CACNB2: variants seen among roughly 807,000 people sequenced by gnomAD.
CACNB2 encodes the protein voltage-dependent L-type calcium channel subunit beta-2.
CACNB2 carries 42 observed loss-of-function variants against 73.3 expected under a neutral mutation model. The observed-to-expected ratio is 0.57, with a 90% confidence interval of 0.45 to 0.74. CACNB2 has a LOEUF of 0.74. Ranked by LOEUF, CACNB2 falls within the 30% of genes least tolerant of loss-of-function variation. CACNB2 has a pLI of 0.00. For missense variants in CACNB2, 940 were observed against 853.0 expected (o/e 1.10, Z -1.27); for synonymous variants, 348 against 310.3 (o/e 1.12, Z -1.28).
At chr10:18,171,705 G>A (rs1360578299) in intron 2 of CACNB2, among the ~76,000 whole-genome samples, 1 of 151,788 alleles carries the variant, frequency 6.6e-6, no homozygotes, top group Non-Finnish European at 1.5e-5. Flanking sequence ...TGATGAACCA[G>A]TTGGGATCAA....
chr10:18,223,256 T>C (rs905741172), intron 2 of CACNB2, among the ~76,000 whole-genome samples: 1 of 152,208 alleles, frequency 6.6e-6, no homozygotes, highest in African/African-American at 2.4e-5. Flanking sequence ...TCCAACACCT[T>C]CTATATATGT....
At position 18,402,052 on chromosome 10, in the gene CACNB2, G is replaced by A. The variant is rs752760931; in HGVS notation, c.333+9G>A. 2 of 1,613,080 alleles carry A rather than the reference G, an allele frequency of 1.2e-6. No individual in the cohort carries two copies. Among genetic ancestry groups the A allele is most frequent in the South Asian group, 1.1e-5 (1 of 91,066 alleles). On this transcript the variant is annotated intron_variant, in intron 3 of 13. Coordinates refer to ENST00000324631, the MANE Select transcript of CACNB2 (RefSeq NM_201596.3). ...AGTTGGAAAAAGCAAAGGTAAAATC[G>A]TTTCCTCCCTGCCAAGATCTTTGCA...
intron 2 of CACNB2, among the ~76,000 whole-genome samples, chr10:18,337,944 C>G (rs910228775): frequency 2.0e-5 from 3 of 152,098 alleles, no homozygotes; most frequent in African/African-American, 7.2e-5. Flanking sequence ...GATTAAAGAC[C>G]TGAAACCATA....
At chr10:18,270,322 A>G (rs971095887) in intron 2 of CACNB2, among the ~76,000 whole-genome samples, 2 of 152,072 alleles carry the variant, frequency 1.3e-5, no homozygotes, top group African/African-American at 4.8e-5. Flanking sequence ...ACAAGGGGGG[A>G]TTATGGGGAT....
chr10:18,430,425 C>A (rs1020578000), intron 3 of CACNB2, among the ~76,000 whole-genome samples: 1 of 151,906 alleles, frequency 6.6e-6, no homozygotes, highest in Admixed American at 6.6e-5. Context: ...CTAAAGTTAT[C>A]TCCCACCTGC....
chr10:18,318,013 T>C (rs1589028550), intron 2 of CACNB2, among the ~76,000 whole-genome samples: 1 of 152,286 alleles, frequency 6.6e-6, no homozygotes, highest in East Asian at 1.9e-4. Flanking sequence ...TGCTCATGGA[T>C]AGGAAGATTC....
rs2043353783 is a variant in CACNB2, at chr10:18,389,083, T to G, written c.214-12841T>G. Among the ~76,000 whole-genome samples, 4 of 152,346 alleles carry G rather than the reference T, an allele frequency of 2.6e-5. No homozygotes were observed. In the South Asian group the frequency reaches 6.2e-4, roughly 24 times the overall value. On this transcript the variant is annotated intron_variant, in intron 2 of 13. Coordinates refer to ENST00000324631, the MANE Select transcript of CACNB2 (RefSeq NM_201596.3). ...ATAGGAACATTACAGGAAAAGAATT[T>G]AACTGAACTCCCAACATTTTTTGAG...
intron 2 of CACNB2, among the ~76,000 whole-genome samples, chr10:18,161,381 A>G (rs907585866): frequency 3.9e-5 from 6 of 152,038 alleles, no homozygotes; most frequent in African/African-American, 9.7e-5. Flanking sequence ...GATTGTTTAG[A>G]CTTCTGTCAA....
rs1416422793 is a variant in CACNB2, at chr10:18,151,321, C to T, written c.213+346C>T. On this transcript the variant is annotated intron_variant, in intron 2 of 13. Coordinates refer to ENST00000324631, the MANE Select transcript of CACNB2 (RefSeq NM_201596.3). ...CAGAGAGCTGATGTGCATCTGTATC[C>T]CTACCTGTGAGATACTGGGGTTCTT... 3 of 212,532 alleles carry T rather than the reference C, an allele frequency of 1.4e-5. No individual in the cohort carries two copies. The Admixed American group carries it at 1.6e-4, about 12-fold the overall frequency. The allele number at this position is 212,532 out of a possible 1,614,324, so 13.2% of individuals were successfully genotyped here.
chr10:18,521,919 T>C (rs2051929409), intron 9 of CACNB2, among the ~76,000 whole-genome samples: 1 of 152,214 alleles, frequency 6.6e-6, no homozygotes, highest in Non-Finnish European at 1.5e-5. Context: ...CACAGATCAG[T>C]ACTGGTCCAT....
At chr10:18,213,135 G>C (rs572396960) in intron 2 of CACNB2, among the ~76,000 whole-genome samples, 3 of 152,168 alleles carry the variant, frequency 2.0e-5, no homozygotes, top group African/African-American at 7.2e-5. Flanking sequence ...GCCCTTGGCG[G>C]CAGGTCCTGT....
At chr10:18,259,103 A>C (rs1413350753) in intron 2 of CACNB2, among the ~76,000 whole-genome samples, 2 of 152,236 alleles carry the variant, frequency 1.3e-5, no homozygotes, top group Non-Finnish European at 2.9e-5. Context: ...AGATTATATA[A>C]GTTTCAGAGT....
At chr10:18,293,414 T>G (rs1337181234) in intron 2 of CACNB2, among the ~76,000 whole-genome samples, 1 of 152,168 alleles carries the variant, frequency 6.6e-6, no homozygotes, top group Non-Finnish European at 1.5e-5. Context: ...ACATAAACAT[T>G]AAAGAAAAGA....
At chr10:18,340,708 T>C in intron 2 of CACNB2, 1 of 1,434,264 alleles carries the variant, frequency 7.0e-7, no homozygotes, top group Non-Finnish European at 9.1e-7. Flanking sequence ...TCCTCTGCTC[T>C]GCCTAAGTGG....
intron 3 of CACNB2, among the ~76,000 whole-genome samples, chr10:18,470,619 T>G (rs1371767103): frequency 6.6e-6 from 1 of 152,056 alleles, no homozygotes; most frequent in African/African-American, 2.4e-5. Context: ...GCATGGAGCC[T>G]TTGCATACAG....
At chr10:18,147,716 A>ATT (rs397846689) in intron 1 of CACNB2, among the ~76,000 whole-genome samples, 10 of 149,658 alleles carry the variant, frequency 6.7e-5, no homozygotes, top group East Asian at 5.8e-4. Context: ...AATTACATAT[A>ATT]TTTTTTTTTT....
At chr10:18,438,002 ATTTTTTTTTTTTTTTTTTTT>A (rs56671616) in intron 3 of CACNB2, among the ~76,000 whole-genome samples, 4 of 41,748 alleles carry the variant, frequency 9.6e-5, no homozygotes, top group Admixed American at 3.9e-4. Context: ...GCCCAGTTGG[ATTTTTTTTTTTTTTTTTTTT>A]TTTTTTTTTT....
intron 3 of CACNB2, among the ~76,000 whole-genome samples, chr10:18,490,280 A>T (rs1377776677): frequency 1.3e-5 from 2 of 152,244 alleles, no homozygotes; most frequent in African/African-American, 4.8e-5. Flanking sequence ...CCACAAACCA[A>T]TATGCCACAA....
chr10:18,527,256 G>C (rs896138772), intron 9 of CACNB2, among the ~76,000 whole-genome samples: 7 of 152,006 alleles, frequency 4.6e-5, no homozygotes, highest in Admixed American at 1.3e-4. Context: ...CACACCTGTA[G>C]TCCCAGCTAC....
Sources: allele counts gnomAD v4.1 joint callset (sites outside exome capture counted in the v4.1 genomes callset), GRCh38; gene constraint gnomAD v4.1.1; transcripts MANE v1.5; gene names NCBI Gene and HGNC (gene_info 2026-07-23, HGNC 2026-07-21).